Variants in RBFOX1 observed in about 807,000 individuals in gnomAD.
The protein encoded by RBFOX1 is RNA binding fox-1 homolog 1, also known as RNA binding protein fox-1 homolog 1.
RBFOX1 carries 8 observed loss-of-function variants against 57.7 expected under a neutral mutation model. That is an observed-to-expected ratio of 0.14 (90% CI 0.08 to 0.25). The LOEUF (loss-of-function observed/expected upper bound fraction) is 0.25, where lower values mean the gene tolerates loss of function less well. RBFOX1 is among the 10% of genes least tolerant of loss of function. The probability of loss-of-function intolerance (pLI) is 1.00; values close to 1 mark genes in which losing one functional copy is unlikely to be tolerated. For synonymous variants in RBFOX1, 326 were observed against 222.4 expected, an observed-to-expected ratio of 1.47 and a Z score of -4.15; for missense variants, 611 against 548.5, an observed-to-expected ratio of 1.11 and a Z score of -1.14.
At chr16:7,671,591 T>C in intron 13 of RBFOX1, 15 of 1,612,130 alleles carry the variant, frequency 9.3e-6, no homozygotes, top group Non-Finnish European at 1.3e-5. Flanking sequence ...TGGCAATAAA[T>C]TGCTGCAGGT....
chr16:6,816,939 G>A (rs1392271078), intron 3 of RBFOX1, among the ~76,000 whole-genome samples: 5 of 151,936 alleles, frequency 3.3e-5, no homozygotes, highest in African/African-American at 9.7e-5. Context: ...GAGAGATGGG[G>A]TCTTAACTGA....
chr16:6,165,503 C>T (rs186159549), intron 1 of RBFOX1, among the ~76,000 whole-genome samples: 14 of 152,116 alleles, frequency 9.2e-5, no homozygotes, highest in Non-Finnish European at 1.5e-4. Context: ...ATGAGAGTTC[C>T]AAACCTAATA....
chr16:5,822,393 T>G (rs2055887718), intron 3 of RBFOX1, among the ~76,000 whole-genome samples: 1 of 152,130 alleles, frequency 6.6e-6, no homozygotes, highest in African/African-American at 2.4e-5. Flanking sequence ...AACTTACTCA[T>G]GTAACCAAAT....
chr16:6,782,065 G>C (rs2081113028), intron 3 of RBFOX1, among the ~76,000 whole-genome samples: 1 of 152,080 alleles, frequency 6.6e-6, no homozygotes, highest in African/African-American at 2.4e-5. Context: ...GGAGTGCAGT[G>C]GTATGTTCTT....
At chr16:6,469,496 C>T (rs947542111) in intron 2 of RBFOX1, among the ~76,000 whole-genome samples, 1 of 152,014 alleles carries the variant, frequency 6.6e-6, no homozygotes, top group South Asian at 2.1e-4. Context: ...GTGCACTATG[C>T]GAAAAAGAGT....
rs2060966875 is a variant in RBFOX1 at position 6,871,917 on chromosome 16, GTGTGT to G, written c.-15-180139_-15-180135del. ...TTTGAGAGAGGGAGAGAGTCTGTGT[GTGTGT>G]GTGTGTGTGTGTGTGTGTGTGTGTG... On this transcript the variant is annotated intron_variant, in intron 3 of 15. Transcript: ENST00000550418. Among the ~76,000 whole-genome samples the G allele has an allele frequency of 1.8e-4, 10 of 56,716 alleles. No homozygotes were observed. In the East Asian group the frequency reaches 7.5e-3, roughly 43 times the overall value. The allele number at this position is 56,716 out of a possible 152,430, so 37.2% of individuals were successfully genotyped here. A position where few individuals can be genotyped will look rare whatever the true frequency, so the allele number is the denominator to read the frequency against.
At chr16:6,432,029 A>G (rs191793459) in intron 2 of RBFOX1, among the ~76,000 whole-genome samples, 16 of 151,640 alleles carry the variant, frequency 1.1e-4, no homozygotes, top group African/African-American at 3.6e-4. Context: ...CTGCACGACT[A>G]TAGCTTATTG....
intron 4 of RBFOX1, among the ~76,000 whole-genome samples, chr16:7,064,886 G>A (rs540916058): frequency 2.0e-5 from 3 of 152,108 alleles, no homozygotes; most frequent in Admixed American, 2.0e-4. Context: ...ACTAGCTGTG[G>A]TATGATACTC....
intron 1 of RBFOX1, among the ~76,000 whole-genome samples, chr16:6,029,095 T>A (rs563481174): frequency 6.6e-6 from 1 of 152,322 alleles, no homozygotes; most frequent in African/African-American, 2.4e-5. Flanking sequence ...TTCTTATTTT[T>A]TTTTACCTTG....
At chr16:5,903,060 C>A (rs1213013832) in intron 4 of RBFOX1, among the ~76,000 whole-genome samples, 1 of 152,036 alleles carries the variant, frequency 6.6e-6, no homozygotes, top group Non-Finnish European at 1.5e-5. Context: ...TTGGACTTGC[C>A]TGAGCCGACT....
At chr16:6,487,703 ATATATAT>A (rs2095533024) in intron 2 of RBFOX1, among the ~76,000 whole-genome samples, 17 of 4,764 alleles carry the variant, frequency 3.6e-3, no homozygotes, top group Non-Finnish European at 5.7e-3. Context: ...AAAAAAAAAT[ATATATAT>A]ATATATATAT....
chr16:7,593,659 C>A (rs1219814825), intron 7 of RBFOX1, among the ~76,000 whole-genome samples: 1 of 146,620 alleles, frequency 6.8e-6, no homozygotes, highest in East Asian at 2.1e-4. Flanking sequence ...GGTCCACTTA[C>A]ATGTGAATTT....
At chr16:5,312,165 A>C (rs2064109376) in intron 1 of RBFOX1, among the ~76,000 whole-genome samples, 2 of 152,094 alleles carry the variant, frequency 1.3e-5, no homozygotes, top group South Asian at 4.1e-4. Context: ...TGTTTGGGAC[A>C]CTCTGGTCAT....
chr16:5,375,881 A>C (rs2065971503), intron 1 of RBFOX1, among the ~76,000 whole-genome samples: 1 of 152,180 alleles, frequency 6.6e-6, no homozygotes, highest in African/African-American at 2.4e-5. Flanking sequence ...TAAGATAGTC[A>C]TCTGGCTGGG....
At chr16:6,370,086 C>T (rs1182912055) in intron 2 of RBFOX1, among the ~76,000 whole-genome samples, 1 of 152,038 alleles carries the variant, frequency 6.6e-6, no homozygotes, top group African/African-American at 2.4e-5. Flanking sequence ...GGGCCGGGTG[C>T]GGTGGCTTAT....
At chr16:5,659,266 T>C (rs1165156077) in intron 3 of RBFOX1, among the ~76,000 whole-genome samples, 2 of 152,066 alleles carry the variant, frequency 1.3e-5, no homozygotes, top group South Asian at 2.1e-4. Flanking sequence ...TTACTGATGT[T>C]GGACATTTTT....
At chr16:7,542,253 A>G (rs2083152184) in intron 5 of RBFOX1, among the ~76,000 whole-genome samples, 1 of 152,240 alleles carries the variant, frequency 6.6e-6, no homozygotes, top group Admixed American at 6.5e-5. Context: ...TTCCTTTTAA[A>G]TATCTAGGCA....
At chr16:7,224,398 G>C (rs2092957447) in intron 4 of RBFOX1, among the ~76,000 whole-genome samples, 1 of 152,152 alleles carries the variant, frequency 6.6e-6, no homozygotes, top group African/African-American at 2.4e-5. Flanking sequence ...CAAATTAGTG[G>C]AACTTGCCAT....
intron 4 of RBFOX1, among the ~76,000 whole-genome samples, chr16:7,329,707 G>A (rs555500442): frequency 8.5e-5 from 13 of 152,230 alleles, no homozygotes; most frequent in African/African-American, 2.2e-4. Flanking sequence ...AATGGTGATC[G>A]CGACTGGAGG....
Sources: gnomAD v4.1 joint callset for allele counts (sites outside exome capture counted in the v4.1 genomes callset) on GRCh38, gnomAD v4.1.1 for gene constraint, MANE v1.5 for transcripts, NCBI Gene and HGNC (gene_info 2026-07-23, HGNC 2026-07-21) for gene names.